LAMA2: variants seen among roughly 807,000 people sequenced by gnomAD.
LAMA2 encodes laminin subunit alpha-2.
LAMA2 carries 269 observed loss-of-function variants against 364.8 expected under a neutral mutation model. That is an observed-to-expected ratio of 0.74 (90% CI 0.67 to 0.82). LAMA2 has a LOEUF of 0.82. LAMA2 is among the 40% of genes least tolerant of loss of function. LAMA2 has a pLI of 0.00. For missense variants in LAMA2, 3,807 were observed against 3,873.2 expected (o/e 0.98, Z 0.45); for synonymous variants, 1,379 against 1,370.6 (o/e 1.01, Z -0.14).
chr6:129,372,695 G>A (rs927830912), intron 34 of LAMA2, among the ~76,000 whole-genome samples: 3 of 152,198 alleles, frequency 2.0e-5, no homozygotes, highest in Non-Finnish European at 4.4e-5. Flanking sequence ...TATGGTAAGA[G>A]TATATTTAGT....
At position 129,165,561 on chromosome 6, in the gene LAMA2, T is replaced by A; in HGVS notation, c.1207-15T>A. On this transcript the variant is annotated splice_polypyrimidine_tract_variant and intron_variant, in intron 8 of 64. Coordinates refer to ENST00000421865, the MANE Select transcript of LAMA2 (RefSeq NM_000426.4). ...CTATTACACTTCGTTAAATTCATTTTAATATTTTTGTTAGGTATCTCCAAA... is the reference window on the plus strand; with the variant it reads ...CTATTACACTTCGTTAAATTCATTTAAATATTTTTGTTAGGTATCTCCAAA... 1 of 1,550,546 alleles carries A rather than the reference T, an allele frequency of 6.4e-7. No homozygotes were observed. Among genetic ancestry groups the A allele is most frequent in the Admixed American group, 1.7e-5 (1 of 59,376 alleles).
intron 1 of LAMA2, among the ~76,000 whole-genome samples, chr6:129,020,700 T>C (rs895068473): frequency 6.6e-6 from 1 of 152,156 alleles, no homozygotes; most frequent in Non-Finnish European, 1.5e-5. Flanking sequence ...CTAGTTCATG[T>C]AGATTCCAGG....
chr6:129,404,137 CT>C (rs1466982780), intron 40 of LAMA2, among the ~76,000 whole-genome samples, 178 bp downstream of exon 40: 1 of 152,116 alleles, frequency 6.6e-6, no homozygotes, highest in East Asian at 1.9e-4. Flanking sequence ...TAGCAGAACT[CT>C]TTTCTCAGTC....
At chr6:129,090,449 A>G (rs1352445664) in intron 3 of LAMA2, among the ~76,000 whole-genome samples, 1 of 152,202 alleles carries the variant, frequency 6.6e-6, no homozygotes, top group East Asian at 1.9e-4. Flanking sequence ...ATTCAAATTC[A>G]TCACACCTGC....
rs750774161 is a variant in LAMA2, at chr6:129,391,620, A to G, written c.5201A>G (p.Glu1734Gly). The change falls in exon 36 of 65, where the codon GAG becomes GGG. Residue 1734 changes from glutamate to glycine, a missense_variant. Transcript: ENST00000421865. ...AAAGAACTGAGGAGGAAAAATCTAG[A>G]GACACAAAAGGAAATTGCTGAAGAT... is the stretch of plus-strand genomic sequence containing the variant. Reference protein sequence around the residue: ...MIKELRRKNLETQKEIAEDEL... With the variant: ...MIKELRRKNLGTQKEIAEDEL... The G allele has an allele frequency of 6.2e-7, 1 of 1,613,926 alleles. No individual in the cohort carries two copies. The highest frequency in any genetic ancestry group is 1.1e-5 in the South Asian group (1 of 91,070).
rs993652081 is a variant in LAMA2, at chr6:129,309,902, A to ATTTTTTT, written c.3175-2950_3175-2944dup. Among the ~76,000 whole-genome samples the ATTTTTTT allele has an allele frequency of 2.2e-3, 304 of 135,764 alleles. 9 individuals are homozygous for ATTTTTTT. Among genetic ancestry groups the ATTTTTTT allele is most frequent in the African/African-American group, 8.3e-3 (292 of 35,380 alleles). The allele number at this position is 135,764 out of a possible 152,430, so 89.1% of individuals were successfully genotyped here. ...AGAAATAAAGCTAATCCTGATAATC[A>ATTTTTTT]TTTTTTTTTTTTTTTGAGACGGAGT... On this transcript the variant is annotated intron_variant, in intron 22 of 64. Transcript: ENST00000421865.
chr6:129,176,593 G>C (rs1780607975), intron 9 of LAMA2, among the ~76,000 whole-genome samples: 1 of 151,858 alleles, frequency 6.6e-6, no homozygotes, highest in African/African-American at 2.4e-5. Flanking sequence ...CTGATAATTA[G>C]TGCTTATTTG....
intron 12 of LAMA2, among the ~76,000 whole-genome samples, chr6:129,218,324 C>A (rs2115088613): frequency 6.6e-6 from 1 of 152,158 alleles, no homozygotes; most frequent in Non-Finnish European, 1.5e-5. Flanking sequence ...TACATGTTGC[C>A]TGAGACATAA....
At chr6:129,214,850 A>G (rs997476891) in intron 12 of LAMA2, among the ~76,000 whole-genome samples, 5 of 152,000 alleles carry the variant, frequency 3.3e-5, no homozygotes, top group Non-Finnish European at 5.9e-5. Context: ...ATTACCTTGA[A>G]TCTACACAAA....
chr6:129,206,107 A>AGGGC (rs1562331048), intron 12 of LAMA2, among the ~76,000 whole-genome samples: 1 of 22,336 alleles, frequency 4.5e-5, no homozygotes, highest in Admixed American at 4.6e-4. Context: ...GGAGGGAGGG[A>AGGGC]GGAAGGAAGG....
Position 129,478,771 on chromosome 6 carries a change from T to C in LAMA2, c.7530T>C (p.Ser2510=), listed in dbSNP as rs1657952049. The change falls in exon 54 of 65, where the codon AGT becomes AGC. Residue 2510 remains serine (S), a synonymous_variant. Transcript: ENST00000421865. The part of the protein sequence containing the change: ...EISRTPYNIL[S]SPDYVGVTKG... ...CAAGAACTCCGTACAATATACTCAGTAGTCCCGATTATGTTGGTGTTACCA... is the reference window on the plus strand; with the variant it reads ...CAAGAACTCCGTACAATATACTCAGCAGTCCCGATTATGTTGGTGTTACCA... 1.2e-6 allele frequency: 2 copies of C among 1,612,604 alleles called. No homozygotes were observed. Among genetic ancestry groups the C allele is most frequent in the Non-Finnish European group, 1.7e-6 (2 of 1,178,630 alleles).
intron 29 of LAMA2, among the ~76,000 whole-genome samples, chr6:129,338,161 A>G (rs1776063007): frequency 6.6e-6 from 1 of 152,232 alleles, no homozygotes; most frequent in South Asian, 2.1e-4. Flanking sequence ...TCTTATTTTT[A>G]GTAATGATTA....
chr6:128,894,995 C>CTACA (rs146962401), intron 1 of LAMA2, among the ~76,000 whole-genome samples: 1,598 of 152,336 alleles, frequency 0.01, 27 homozygotes, highest in African/African-American at 0.037. Context: ...CAGGGTTGGA[C>CTACA]TACAGTTAAG....
chr6:129,360,582 A>G (rs1420619231), intron 32 of LAMA2, among the ~76,000 whole-genome samples: 1 of 152,174 alleles, frequency 6.6e-6, no homozygotes, highest in Non-Finnish European at 1.5e-5. Flanking sequence ...GTACTATAAA[A>G]CTTACCTTTC....
chr6:129,300,418 G>A (rs928316833), intron 21 of LAMA2, among the ~76,000 whole-genome samples: 23 of 152,036 alleles, frequency 1.5e-4, no homozygotes, highest in Non-Finnish European at 2.4e-4. Context: ...TGTAGTACCC[G>A]AATATAAGGT....
At chr6:129,224,266 A>C (rs1236045993) in intron 12 of LAMA2, among the ~76,000 whole-genome samples, 2 of 152,200 alleles carry the variant, frequency 1.3e-5, no homozygotes, top group African/African-American at 2.4e-5. Context: ...GGGGTTTTCT[A>C]AATATACAAT....
chr6:129,513,694 T>G (rs1786789727), intron 63 of LAMA2, among the ~76,000 whole-genome samples: 1 of 152,200 alleles, frequency 6.6e-6, no homozygotes, highest in Admixed American at 6.5e-5. Context: ...AATTCTGTCA[T>G]CTCAAATTTC....
intron 32 of LAMA2, among the ~76,000 whole-genome samples, chr6:129,361,628 C>T (rs1777466026): frequency 6.6e-6 from 1 of 152,030 alleles, no homozygotes; most frequent in Non-Finnish European, 1.5e-5. Flanking sequence ...CAGCAGGGGT[C>T]CAAGAGTGTG....
rs1379602842 is a variant in LAMA2, at chr6:129,288,078, T to A, written c.2749+20T>A. 4 of 1,598,786 alleles carry A rather than the reference T, an allele frequency of 2.5e-6. No individual in the cohort carries two copies. Among genetic ancestry groups the A allele is most frequent in the Non-Finnish European group, 3.4e-6 (4 of 1,166,132 alleles). ...GTCAGCGTAAGTCCTGAACTATTGA[T>A]GCCCCTGACAGAATTGATGTATTGT... is the stretch of plus-strand genomic sequence containing the variant. On this transcript the variant is annotated intron_variant, in intron 19 of 64. Transcript: ENST00000421865.
Sources: gnomAD v4.1 joint callset for allele counts (sites outside exome capture counted in the v4.1 genomes callset) on GRCh38, gnomAD v4.1.1 for gene constraint, MANE v1.5 for transcripts, NCBI Gene and HGNC (gene_info 2026-07-23, HGNC 2026-07-21) for gene names.